The following HTATSF1 variants were observed in gnomAD, a reference collection of about 807,000 sequenced individuals.
HTATSF1 encodes 17S U2 SnRNP complex component HTATSF1.
A neutral mutation model predicts 46.1 loss-of-function variants in HTATSF1; 6 were observed. The ratio of observed to expected loss-of-function variants is 0.13; its 90% CI spans 0.07 to 0.26. HTATSF1 has a LOEUF of 0.26. Among genes scored for constraint, HTATSF1 ranks in the 10% least tolerant of loss-of-function variants. The pLI is 1.00. For missense variants in HTATSF1, 452 were observed against 559.9 expected (o/e 0.81, Z 1.94); for synonymous variants, 226 against 211.5 (o/e 1.07, Z -0.60).
chrX:136,500,618 CTTCA>C lies in HTATSF1; in HGVS notation c.416-43_416-40del, dbSNP rs568647824. 45 of 861,405 alleles carry C rather than the reference CTTCA, an allele frequency of 5.2e-5. 1 individual carries two copies. In the South Asian group the frequency reaches 1.1e-3, roughly 22 times the overall value. 71.0% of individuals were successfully genotyped at this position (861,405 alleles called of 1,213,427 possible). On this transcript the variant is annotated intron_variant, in intron 3 of 8. Coordinates refer to ENST00000218364, the MANE Select transcript of HTATSF1 (RefSeq NM_014500.5). ...ATTGGTAGAATGCTAAGTAATTCAC[CTTCA>C]TTATCAATTATAAATGTTTTTTAAT...
At chrX:136,509,944 G>A in intron 7 of HTATSF1, 138 bp from the exon 8 acceptor site, 1 of 526,325 alleles carries the variant, frequency 1.9e-6, no homozygotes, top group Admixed American at 4.3e-5. Flanking sequence ...GGGATAAAAT[G>A]GAAGAAAGAC....
At position 136,509,088 on chromosome X, in the gene HTATSF1, C is replaced by T. The variant is rs754738293; in HGVS notation, c.835-3C>T. 8.4e-7 allele frequency: 1 copy of T among 1,193,060 alleles called. No homozygotes were observed. Among genetic ancestry groups the T allele is most frequent in the Non-Finnish European group, 1.1e-6 (1 of 879,147 alleles). On this transcript the variant is annotated splice_region_variant and splice_polypyrimidine_tract_variant and intron_variant, in intron 6 of 8. Coordinates refer to ENST00000218364, the MANE Select transcript of HTATSF1 (RefSeq NM_014500.5). Reference sequence around the variant, plus strand: ...ACCCATTTTAATCATGCATATTTTTCAGGATGATCCGTTGGTGCTGAATGA... The same window carrying T: ...ACCCATTTTAATCATGCATATTTTTTAGGATGATCCGTTGGTGCTGAATGA...
intron 4 of HTATSF1, 143 bp from the exon 5 acceptor site, chrX:136,502,635 A>G (rs2075723573): frequency 1.3e-5 from 3 of 238,105 alleles, no homozygotes; most frequent in Non-Finnish European, 2.2e-5. Flanking sequence ...CTTTATCTCA[A>G]AGAGAGAACG....
At chrX:136,504,503 C>CT (rs2075733276) in intron 6 of HTATSF1, 40 bp downstream of exon 6, 1 of 1,032,979 alleles carries the variant, frequency 9.7e-7, no homozygotes, top group East Asian at 3.1e-5. Flanking sequence ...TGCTGATAGG[C>CT]TTTTTTTCTC....
chrX:136,510,849 A>T lies in HTATSF1; in HGVS notation c.1104A>T (p.Gly368=), dbSNP rs1430091386. 8.3e-7 allele frequency: 1 copy of T among 1,207,082 alleles called. No individual in the cohort carries two copies. The highest frequency in any genetic ancestry group is 3.0e-5 in the East Asian group (1 of 33,831). ...GAGAAAGGGAGGAAAGGCTGAGAGG[A>T]TGGGAGGCTTTCCTCAATGCTCCTG... ...TSREREERLR[G]WEAFLNAPEA... Residue 368 remains glycine (G), a synonymous_variant, in exon 9 of 9, where the codon GGA becomes GGT. Coordinates refer to ENST00000218364, the MANE Select transcript of HTATSF1 (RefSeq NM_014500.5).
At chrX:136,503,978 C>T (rs1244080767) in intron 5 of HTATSF1, among the ~76,000 whole-genome samples, 2 of 111,267 alleles carry the variant, frequency 1.8e-5, no homozygotes, top group Non-Finnish European at 3.8e-5. Context: ...TCAAGCTATA[C>T]TCATGCCTCA....
chrX:136,497,510 T>G (rs2075696628), upstream of HTATSF1: 1 of 286,588 alleles, frequency 3.5e-6, no homozygotes, highest in Admixed American at 6.6e-5. Flanking sequence ...AGGGGGGCGG[T>G]GCAGCCGCCG....
At position 136,511,425 on chromosome X, in the gene HTATSF1, C is replaced by T. The variant is rs1329572092; in HGVS notation, c.1680C>T (p.Gly560=). The change falls in exon 9 of 9, where the codon GGC becomes GGT. Residue 560 remains glycine (G), a synonymous_variant. Coordinates refer to ENST00000218364, the MANE Select transcript of HTATSF1 (RefSeq NM_014500.5). ...GCTCTGAAAAACAGTCTGAAGATGG[C>T]TCCGAAAGAGAATTTGAAGAAAATG... ...EDCSEKQSED[G]SEREFEENGL... is the part of the protein sequence containing the mutation. 10 of 1,208,966 alleles carry T rather than the reference C, an allele frequency of 8.3e-6. No homozygotes were observed. Among genetic ancestry groups the T allele is most frequent in the Non-Finnish European group, 1.1e-5 (10 of 894,868 alleles).
chrX:136,497,570 C>T (rs2075697271), upstream of HTATSF1: 5 of 576,839 alleles, frequency 8.7e-6, no homozygotes, highest in South Asian at 2.9e-4. Context: ...GGAGGCGGGC[C>T]GGGGGGCGGC....
At chrX:136,499,835 T>G (rs1028696109) in intron 2 of HTATSF1, 57 bp downstream of exon 2, 2 of 909,099 alleles carry the variant, frequency 2.2e-6, no homozygotes, top group African/African-American at 2.0e-5. Flanking sequence ...TGGGTGTGCA[T>G]AGGTACAGTT....
intron 4 of HTATSF1, among the ~76,000 whole-genome samples, chrX:136,502,518 C>T (rs1490767160): frequency 2.7e-5 from 3 of 110,740 alleles, no homozygotes; most frequent in South Asian, 3.8e-4. Context: ...ATTCTACATA[C>T]GACGATATTG....
At chrX:136,499,312 A>G (rs1028896893) in intron 1 of HTATSF1, among the ~76,000 whole-genome samples, 2 of 112,361 alleles carry the variant, frequency 1.8e-5, no homozygotes, top group African/African-American at 6.5e-5. Flanking sequence ...TTAATAAATG[A>G]AACAACTAGA....
chrX:136,499,490 CTT>C (rs1201156716), intron 1 of HTATSF1, 106 bp from the exon 2 acceptor site: 3 of 562,009 alleles, frequency 5.3e-6, no homozygotes, highest in East Asian at 7.6e-5. Flanking sequence ...CACAGAAACA[CTT>C]TTGTGTTAAG....
intron 6 of HTATSF1, among the ~76,000 whole-genome samples, chrX:136,506,951 A>G (rs935695755): frequency 1.8e-5 from 2 of 112,795 alleles, no homozygotes; most frequent in Admixed American, 1.9e-4. Context: ...AGGCACATGT[A>G]GCTAGTAGCT....
intron 7 of HTATSF1, 102 bp from the exon 8 acceptor site, chrX:136,509,980 G>T: frequency 2.8e-6 from 2 of 710,000 alleles, no homozygotes; most frequent in Non-Finnish European, 4.0e-6. Context: ...TTTTACTTCA[G>T]AGTATCAGAG....
intron 7 of HTATSF1, among the ~76,000 whole-genome samples, chrX:136,509,485 TTG>T (rs1424162493): frequency 8.9e-6 from 1 of 111,931 alleles, no homozygotes; most frequent in Non-Finnish European, 1.9e-5. Flanking sequence ...TTTCCCCTCT[TTG>T]TGAATTATTC....
rs1262588174 is a variant in HTATSF1 at position 136,499,694 on chromosome X, A to G, written c.283A>G (p.Arg95Gly). 8.3e-7 allele frequency: 1 copy of G among 1,198,375 alleles called. No homozygotes were observed. Among genetic ancestry groups the G allele is most frequent in the African/African-American group, 1.8e-5 (1 of 56,627 alleles). Residue 95 changes from arginine (R) to glycine (G), a missense_variant, in exon 2 of 9, where the codon AGG becomes GGG. Physicochemically the swap from Arg to Gly is moderately radical, Grantham distance 125. Transcript: ENST00000218364. ...STANVEDVHA[R>G]TAEEPPQEKA... ...CGCAAATGTTGAAGATGTCCATGCTAGGACTGCAGAGGAACCTCCACAAGA... is the reference window on the plus strand; with the variant it reads ...CGCAAATGTTGAAGATGTCCATGCTGGGACTGCAGAGGAACCTCCACAAGA...
intron 5 of HTATSF1, among the ~76,000 whole-genome samples, chrX:136,503,955 G>T (rs2075730263): frequency 9.0e-6 from 1 of 111,015 alleles, no homozygotes; most frequent in Non-Finnish European, 1.9e-5. Context: ...ACTGCAACCT[G>T]TACCTCCGGG....
Position 136,511,412 on chromosome X carries a change from A to T in HTATSF1, c.1667A>T (p.Gln556Leu). ...TCTGATGAAGACTGCTCTGAAAAAC[A>T]GTCTGAAGATGGCTCCGAAAGAGAA... ...KESDEDCSEK[Q>L]SEDGSEREFE... The change falls in exon 9 of 9, where the codon CAG (glutamine) becomes CTG (leucine). Residue 556 changes from glutamine (Q) to leucine (L), a missense_variant. Gln to Leu is a moderately radical substitution (Grantham distance 113). Coordinates refer to ENST00000218364, the MANE Select transcript of HTATSF1 (RefSeq NM_014500.5). 8.3e-7 allele frequency: 1 copy of T among 1,211,713 alleles called. No homozygotes were observed. Among genetic ancestry groups the T allele is most frequent in the Non-Finnish European group, 1.1e-6 (1 of 895,449 alleles).
Sources: allele counts gnomAD v4.1 joint callset (sites outside exome capture counted in the v4.1 genomes callset), GRCh38; gene constraint gnomAD v4.1.1; transcripts MANE v1.5; gene names NCBI Gene and HGNC (gene_info 2026-07-23, HGNC 2026-07-21).